Variants in ZNF131 observed in about 807,000 individuals in gnomAD.
The protein encoded by ZNF131 is zinc finger and BTB domain containing 35, also known as zinc finger protein 131.
In ZNF131, 7 loss-of-function variants were observed where a neutral mutation model predicts 60.0. That is an observed-to-expected ratio of 0.12 (90% confidence interval 0.07 to 0.22). ZNF131 has a LOEUF of 0.22. Among genes scored for constraint, ZNF131 ranks in the 10% least tolerant of loss-of-function variants. The pLI is 1.00. For synonymous variants in ZNF131, 257 were observed against 253.2 expected (o/e 1.01, Z -0.14); for missense variants, 493 against 740.9 (o/e 0.67, Z 3.88).
At chr5:43,169,834 A>G (rs1221975774) in intron 5 of ZNF131, among the ~76,000 whole-genome samples, 3 of 151,010 alleles carry the variant, frequency 2.0e-5, no homozygotes, top group South Asian at 2.1e-4. Context: ...ACTATCACCC[A>G]GACTGGAGTG....
At chr5:43,160,282 CA>C (rs1442037623) in intron 4 of ZNF131, among the ~76,000 whole-genome samples, 1 of 152,082 alleles carries the variant, frequency 6.6e-6, no homozygotes, top group African/African-American at 2.4e-5. Context: ...GCAGGAGGAT[CA>C]CTTGAGCCCA....
chr5:43,128,716 A>C (rs1307285764), intron 3 of ZNF131, among the ~76,000 whole-genome samples: 3 of 150,986 alleles, frequency 2.0e-5, no homozygotes, highest in Non-Finnish European at 4.4e-5. Context: ...ACAAAAACCC[A>C]GATATTTATC....
At chr5:43,122,414 A>T (rs1163843487) in intron 2 of ZNF131, among the ~76,000 whole-genome samples, 1 of 152,132 alleles carries the variant, frequency 6.6e-6, no homozygotes, top group African/African-American at 2.4e-5. Flanking sequence ...TGTTCATCTC[A>T]TTTTAACTTC....
chr5:43,154,283 G>A (rs190653702), intron 4 of ZNF131, among the ~76,000 whole-genome samples: 159 of 152,168 alleles, frequency 1.0e-3, no homozygotes, highest in Non-Finnish European at 2.0e-3. Flanking sequence ...GCGTGGTGGC[G>A]TGCACCTGTA....
chr5:43,157,182 A>G (rs1272953658), intron 4 of ZNF131, among the ~76,000 whole-genome samples: 1 of 152,134 alleles, frequency 6.6e-6, no homozygotes, highest in African/African-American at 2.4e-5. Flanking sequence ...AAACTTGGAA[A>G]CCTTTTACTG....
chr5:43,150,761 G>T (rs186496418), intron 4 of ZNF131, among the ~76,000 whole-genome samples: 2 of 152,046 alleles, frequency 1.3e-5, no homozygotes, highest in Non-Finnish European at 2.9e-5. Context: ...TGGGCAACAA[G>T]AGTGAAACTC....
chr5:43,131,496 C>T (rs1745351544), intron 3 of ZNF131, among the ~76,000 whole-genome samples: 1 of 152,148 alleles, frequency 6.6e-6, no homozygotes, highest in South Asian at 2.1e-4. Context: ...TTGACCACCT[C>T]TGTGTTGACA....
chr5:43,174,150 C>T (rs1447547203), intron 6 of ZNF131, among the ~76,000 whole-genome samples: 2 of 152,208 alleles, frequency 1.3e-5, no homozygotes, highest in South Asian at 4.1e-4. Context: ...ATCCCTAGAA[C>T]CCAGGAGACG....
Position 43,139,177 on chromosome 5 carries a change from T to C in ZNF131, c.239T>C (p.Met80Thr). 1 of 1,597,972 alleles carries C rather than the reference T, an allele frequency of 6.3e-7. No homozygotes were observed. Among genetic ancestry groups the C allele is most frequent in the Non-Finnish European group, 8.5e-7 (1 of 1,173,202 alleles). ...ATCTTCTTTACAGGTGTTAGTAAAATGGCCTTTCGCCATTTAATTGAGTTC... is the reference window on the plus strand; with the variant it reads ...ATCTTCTTTACAGGTGTTAGTAAAACGGCCTTTCGCCATTTAATTGAGTTC... ...PLVEIEGVSK[M>T]AFRHLIEFTY... The change falls in exon 4 of 7, where the codon ATG (methionine) becomes ACG (threonine). Residue 80 changes from methionine (M) to threonine (T), a missense_variant. Met to Thr is a moderately conservative substitution (Grantham distance 81). Coordinates refer to ENST00000682664, the MANE Select transcript of ZNF131 (RefSeq NM_001330707.2).
chr5:43,174,360 A>G (rs543246482), intron 6 of ZNF131, 87 bp from the exon 7 acceptor site: 41 of 1,212,462 alleles, frequency 3.4e-5, no homozygotes, highest in Middle Eastern at 2.7e-4. Context: ...TAAGCCTTCA[A>G]TCTTTTCTTT....
chr5:43,145,420 A>G lies in ZNF131; in HGVS notation c.371+6111A>G, dbSNP rs183585775. 1.0e-3 allele frequency among the ~76,000 whole-genome samples: 151 copies of G among 147,402 alleles called. 1 individual carries two copies. The highest frequency in any genetic ancestry group is 3.6e-3 in the African/African-American group (148 of 41,234). Reference sequence around the variant, plus strand: ...GTAATTCCAGCACTTTGGGAGGCCAAGCCAGGTGGATCACTTGAGGTCAGG... The same window carrying G: ...GTAATTCCAGCACTTTGGGAGGCCAGGCCAGGTGGATCACTTGAGGTCAGG... On this transcript the variant is annotated intron_variant, in intron 4 of 6. Coordinates refer to ENST00000682664, the MANE Select transcript of ZNF131 (RefSeq NM_001330707.2).
At chr5:43,127,451 T>C (rs1181237755) in intron 3 of ZNF131, among the ~76,000 whole-genome samples, 1 of 152,244 alleles carries the variant, frequency 6.6e-6, no homozygotes, top group Non-Finnish European at 1.5e-5. Context: ...CCAGACCTGC[T>C]GAATTGGAAC....
chr5:43,121,021 T>C lies in ZNF131; in HGVS notation c.-118T>C, dbSNP rs1472874131. 2 of 152,230 alleles carry C rather than the reference T, an allele frequency of 1.3e-5. No homozygotes were observed. Among genetic ancestry groups the C allele is most frequent in the African/African-American group, 4.8e-5 (2 of 41,432 alleles). The allele number at this position is 152,230 out of a possible 1,614,324, so 9.4% of individuals were successfully genotyped here. A position where few individuals can be genotyped will look rare whatever the true frequency, so the allele number is the denominator to read the frequency against. On this transcript the variant is annotated 5_prime_UTR_variant, in exon 1 of 7. Coordinates refer to ENST00000682664, the MANE Select transcript of ZNF131 (RefSeq NM_001330707.2). ...AGAAAATGGAGGGCGACCCACGGGT[T>C]AGGGGTCAGGAAAGGCGTGGGGCGC... is the stretch of plus-strand genomic sequence containing the variant.
chr5:43,142,957 A>C (rs756660059), intron 4 of ZNF131, among the ~76,000 whole-genome samples: 2 of 151,960 alleles, frequency 1.3e-5, no homozygotes, highest in Admixed American at 6.6e-5. Context: ...CAGCCTCTCA[A>C]AGTGCCGGGA....
Position 43,175,291 on chromosome 5 carries a change from C to G in ZNF131, c.*158C>G. On this transcript the variant is annotated 3_prime_UTR_variant, in exon 7 of 7. Transcript: ENST00000682664. Reference sequence around the variant, plus strand: ...TGTCCGTTGAAACACATTGATTCCCCTCCCCCTACTTATTGCCACAGAGGA... The same window carrying G: ...TGTCCGTTGAAACACATTGATTCCCGTCCCCCTACTTATTGCCACAGAGGA... 1.3e-6 allele frequency: 1 copy of G among 750,552 alleles called. No homozygotes were observed. Among genetic ancestry groups the G allele is most frequent in the Non-Finnish European group, 2.2e-6 (1 of 460,162 alleles). The allele number at this position is 750,552 out of a possible 1,614,324, so 46.5% of individuals were successfully genotyped here.
At chr5:43,160,678 C>CTGTTTTTTTTTT (rs1749571036) in intron 4 of ZNF131, among the ~76,000 whole-genome samples, 1 of 93,032 alleles carries the variant, frequency 1.1e-5, no homozygotes, top group Non-Finnish European at 2.1e-5. Context: ...TAGCTTGGAA[C>CTGTTTTTTTTTT]TTTTTTTTTT....
intron 5 of ZNF131, among the ~76,000 whole-genome samples, 156 bp downstream of exon 5, chr5:43,162,087 C>G (rs1002041108): frequency 2.0e-5 from 3 of 152,096 alleles, no homozygotes; most frequent in African/African-American, 7.2e-5. Flanking sequence ...ATTACCTGTT[C>G]AAATATTGGT....
chr5:43,123,611 C>G (rs1210922106), intron 3 of ZNF131: 2 of 246,172 alleles, frequency 8.1e-6, no homozygotes, highest in Non-Finnish European at 1.6e-5. Context: ...TTTTTGAAAA[C>G]AAGTATTAAA....
At chr5:43,165,250 G>C in intron 5 of ZNF131, among the ~76,000 whole-genome samples, 1 of 147,852 alleles carries the variant, frequency 6.8e-6, no homozygotes, top group East Asian at 2.0e-4. Context: ...TCATTTTCTC[G>C]CAGTTCTAGA....
Sources: gnomAD v4.1 joint callset for allele counts (sites outside exome capture counted in the v4.1 genomes callset) on GRCh38, gnomAD v4.1.1 for gene constraint, MANE v1.5 for transcripts, NCBI Gene and HGNC (gene_info 2026-07-23, HGNC 2026-07-21) for gene names.